CEP295: variants seen among roughly 807,000 people sequenced by gnomAD.
CEP295 encodes the protein centrosomal protein 295, also known as centrosomal protein of 295 kDa.
Under a neutral mutation model 291.6 loss-of-function variants are expected in CEP295, and 190 were observed. That is an observed-to-expected ratio of 0.65 (90% CI 0.58 to 0.73). The LOEUF is 0.73. CEP295 is among the 30% of genes least tolerant of loss of function. The pLI is 0.00. For missense variants in CEP295, 2,863 were observed against 2,949.4 expected (o/e 0.97, Z 0.68); for synonymous variants, 993 against 1,038.8 (o/e 0.96, Z 0.85).
intron 18 of CEP295, among the ~76,000 whole-genome samples, chr11:93,714,790 A>T (rs562289925): frequency 4.5e-4 from 68 of 152,324 alleles, no homozygotes; most frequent in African/African-American, 1.6e-3. Context: ...ACTATCCAGC[A>T]GAGACTCTTA....
intron 12 of CEP295, among the ~76,000 whole-genome samples, chr11:93,695,189 A>G (rs1488092342): frequency 6.6e-6 from 1 of 152,232 alleles, no homozygotes; most frequent in Admixed American, 6.5e-5. Context: ...TGCTACTTCA[A>G]GGTAGTTCTT....
At chr11:93,666,310 C>A (rs1412529668) in intron 1 of CEP295, among the ~76,000 whole-genome samples, 1 of 152,108 alleles carries the variant, frequency 6.6e-6, no homozygotes, top group Non-Finnish European at 1.5e-5. Flanking sequence ...TAAAAATTTT[C>A]TGAGCAGGCA....
Position 93,730,346 on chromosome 11 carries a change from G to A in CEP295, c.*77G>A, listed in dbSNP as rs1474568939. 20 of 1,077,918 alleles carry A rather than the reference G, an allele frequency of 1.9e-5. No homozygotes were observed. Among genetic ancestry groups the A allele is most frequent in the Non-Finnish European group, 2.8e-5 (20 of 711,754 alleles). 66.8% of individuals were successfully genotyped at this position (1,077,918 alleles called of 1,614,324 possible). A position where few individuals can be genotyped will look rare whatever the true frequency, so the allele number is the denominator to read the frequency against. On this transcript the variant is annotated 3_prime_UTR_variant, in exon 30 of 30. Transcript: ENST00000325212. ...CAAAATTATTTAAAGTCAATAAATT[G>A]TTATTCGAGGAATTCCATGTTGTGA... is the stretch of plus-strand genomic sequence containing the variant.
chr11:93,668,966 A>C lies in CEP295; in HGVS notation c.434+34A>C, dbSNP rs889424660. On this transcript the variant is annotated intron_variant, in intron 4 of 29. Transcript: ENST00000325212. ...ATAATTTTTACTATAATCTCAACTG[A>C]AACTAACATGGTTGAAAGTAGAGGA... 1.1e-5 allele frequency: 11 copies of C among 962,922 alleles called. No homozygotes were observed. In the African/African-American group the frequency reaches 1.6e-4, roughly 14 times the overall value. The allele number at this position is 962,922 out of a possible 1,614,324, so 59.6% of individuals were successfully genotyped here.
At position 93,683,511 on chromosome 11, in the gene CEP295, A is replaced by C. The variant is rs1203982304; in HGVS notation, c.766-48A>C. 3.7e-6 allele frequency: 5 copies of C among 1,356,156 alleles called. No individual in the cohort carries two copies. The African/African-American group carries it at 7.5e-5, about 20-fold the overall frequency. The allele number at this position is 1,356,156 out of a possible 1,614,324, so 84.0% of individuals were successfully genotyped here. On this transcript the variant is annotated intron_variant, in intron 7 of 29. Transcript: ENST00000325212. ...TACCTGCAACATTGTTAATATTACC[A>C]TACAAAGTTTGTGACTCAGTTTTTG...
chr11:93,672,671 G>A (rs915876905), intron 5 of CEP295, among the ~76,000 whole-genome samples: 1 of 152,176 alleles, frequency 6.6e-6, no homozygotes. Context: ...TACTTGGGTA[G>A]ATAAGGCTAG....
intron 4 of CEP295, 74 bp from the exon 5 acceptor site, chr11:93,669,603 T>C (rs2134805266): frequency 2.1e-6 from 2 of 943,106 alleles, no homozygotes; most frequent in South Asian, 3.0e-5. Context: ...GCCTATGACT[T>C]ACATATTTTT....
At position 93,697,135 on chromosome 11, in the gene CEP295, G is replaced by T. The variant is rs1476593304; in HGVS notation, c.2223G>T (p.Arg741Ser). The T allele has an allele frequency of 1.3e-6, 2 of 1,551,852 alleles. No homozygotes were observed. The highest frequency in any genetic ancestry group is 3.9e-5 in the Admixed American group (2 of 51,006). ...ETLSRALSHD[R>S]QLISQDARKI... ...TTTCAAGGGCTTTGTCACATGACAG[G>T]CAGCTAATATCACAGGATGCTAGAA... The change falls in exon 15 of 30, where the codon AGG (arginine) becomes AGT (serine). Residue 741 changes from arginine to serine, a missense_variant. Arg to Ser is a moderately radical substitution (Grantham distance 110, BLOSUM62 -1). Around this residue, in one of 3 missense-constraint regions of CEP295, gnomAD observed 2,295 missense variants for 2,335.7 expected, o/e 0.98. Coordinates refer to ENST00000325212, the MANE Select transcript of CEP295 (RefSeq NM_033395.2).
chr11:93,721,764 C>T (rs779845993), intron 19 of CEP295, 190 bp from the exon 20 acceptor site: 24 of 687,306 alleles, frequency 3.5e-5, no homozygotes, highest in South Asian at 8.6e-5. Flanking sequence ...TGGGGGGGTG[C>T]GTATGTATGT....
Position 93,729,488 on chromosome 11 carries a change from G to C in CEP295, c.7357G>C (p.Val2453Leu), listed in dbSNP as rs1300198693. 5.2e-6 allele frequency: 8 copies of C among 1,551,800 alleles called. No individual in the cohort carries two copies. The South Asian group carries it at 7.1e-5, about 14-fold the overall frequency. Residue 2453 changes from valine (V) to leucine (L), a missense_variant, in exon 26 of 30, where the codon GTA (valine) becomes CTA (leucine). Physicochemically the swap from Val to Leu is conservative, Grantham distance 32. This residue lies in a region of CEP295 where 2,295 missense variants were observed against 2,335.7 expected (regional missense o/e 0.98). Coordinates refer to ENST00000325212, the MANE Select transcript of CEP295 (RefSeq NM_033395.2). Reference protein sequence around the residue: ...SATEASDYPAVSELSIEKPRT... With the variant: ...SATEASDYPALSELSIEKPRT... ...AACAGAAGCCTCAGATTATCCAGCTGTATCAGAACTTTCCATAGAAAAACC... is the reference window on the plus strand; with the variant it reads ...AACAGAAGCCTCAGATTATCCAGCTCTATCAGAACTTTCCATAGAAAAACC...
Position 93,667,735 on chromosome 11 carries a change from A to C in CEP295, c.237A>C (p.Ile79=). 1.3e-6 allele frequency: 2 copies of C among 1,551,554 alleles called. No individual in the cohort carries two copies. The highest frequency in any genetic ancestry group is 3.9e-5 in the Admixed American group (2 of 51,000). Reference sequence around the variant, plus strand: ...GGGAAGAATCACAAACTCAGAAAATACAGAACTTGGAAAAACTGTATTTGG... The same window carrying C: ...GGGAAGAATCACAAACTCAGAAAATCCAGAACTTGGAAAAACTGTATTTGG... ...AEWEESQTQK[I]QNLEKLYLAS... is the part of the protein sequence containing the mutation. Residue 79 remains isoleucine, a synonymous_variant, in exon 3 of 30, where the codon ATA becomes ATC. Coordinates refer to ENST00000325212, the MANE Select transcript of CEP295 (RefSeq NM_033395.2).
intron 23 of CEP295, 51 bp from the exon 24 acceptor site, chr11:93,726,925 C>T: frequency 2.8e-6 from 4 of 1,407,024 alleles, no homozygotes; most frequent in Non-Finnish European, 3.8e-6. Context: ...CAGTATCCAA[C>T]TTTTACAACA....
intron 18 of CEP295, among the ~76,000 whole-genome samples, chr11:93,709,924 T>C (rs1182780308): frequency 6.6e-6 from 1 of 152,200 alleles, no homozygotes; most frequent in African/African-American, 2.4e-5. Flanking sequence ...ATTACTTTCT[T>C]GATTTCTTTT....
At chr11:93,719,721 A>C (rs1953554954) in intron 18 of CEP295, 1 of 152,218 alleles carries the variant, frequency 6.6e-6, no homozygotes, top group South Asian at 2.1e-4. Flanking sequence ...CTTAAAAAAA[A>C]ATAAAATGAA....
chr11:93,726,106 TTTG>T (rs1437782346), intron 23 of CEP295, among the ~76,000 whole-genome samples: 2 of 151,962 alleles, frequency 1.3e-5, no homozygotes, highest in East Asian at 3.9e-4. Context: ...TATTTTTTTG[TTTG>T]TTTTTTTTGT....
Position 93,697,916 on chromosome 11 carries a change from C to T in CEP295, c.3004C>T (p.His1002Tyr), listed in dbSNP as rs539101590. The T allele has an allele frequency of 7.4e-5, 115 of 1,551,694 alleles. 1 individual carries two copies. The South Asian group carries it at 1.2e-3, about 17-fold the overall frequency. ...CTCTTTCCCATTTCAGGTAGCTCAG[C>T]ATACATTTACTTCACTACCATCTGC... ...EPSFPFQVAQ[H>Y]TFTSLPSADT... The change falls in exon 15 of 30, where the codon CAT becomes TAT. Residue 1002 changes from histidine to tyrosine, a missense_variant. Transcript: ENST00000325212.
chr11:93,666,193 A>G (rs1189920592), intron 1 of CEP295, among the ~76,000 whole-genome samples: 5 of 152,220 alleles, frequency 3.3e-5, no homozygotes, highest in Admixed American at 3.3e-4. Flanking sequence ...TCACTGATCT[A>G]AGTGTGAATT....
chr11:93,721,755 G>A lies in CEP295; in HGVS notation c.5851-199G>A, dbSNP rs751633339. ...TGTAGGAATGAATGAGATTGAGGGT[G>A]GGGGGGTGCGTATGTATGTCTATGA... On this transcript the variant is annotated intron_variant, in intron 19 of 29. Transcript: ENST00000325212. The A allele has an allele frequency of 3.4e-5, 25 of 725,152 alleles. No individual in the cohort carries two copies. In the East Asian group the frequency reaches 5.9e-4, roughly 17 times the overall value. 44.9% of individuals were successfully genotyped at this position (725,152 alleles called of 1,614,324 possible).
rs901782212 is a variant in CEP295 at position 93,700,140 on chromosome 11, T to C, written c.5228T>C (p.Ile1743Thr). The C allele has an allele frequency of 2.6e-6, 4 of 1,551,370 alleles. No homozygotes were observed. The highest frequency in any genetic ancestry group is 2.0e-5 in the Admixed American group (1 of 50,932). ...VQRQTALQQQIQKHEETLKDF... is the reference protein window; with the variant it reads ...VQRQTALQQQTQKHEETLKDF... ...AGACAAACAGCATTGCAGCAGCAGA[T>C]ACAGAAACATGAAGAGACTTTGAAG... The change falls in exon 15 of 30, where the codon ATA (isoleucine) becomes ACA (threonine). Residue 1743 changes from isoleucine to threonine, a missense_variant. By Grantham distance (89) the Ile-to-Thr change is moderately conservative. Around this residue, in one of 3 missense-constraint regions of CEP295, gnomAD observed 2,295 missense variants for 2,335.7 expected, o/e 0.98. Transcript: ENST00000325212.
Sources: allele counts gnomAD v4.1 joint callset (sites outside exome capture counted in the v4.1 genomes callset), GRCh38; gene constraint gnomAD v4.1.1; regional missense constraint gnomAD v4.1.1; transcripts MANE v1.5; gene names NCBI Gene and HGNC (gene_info 2026-07-23, HGNC 2026-07-21).